The following TBL1X variants were observed in gnomAD, a reference collection of about 807,000 sequenced individuals.
TBL1X encodes the protein F-box-like/WD repeat-containing protein TBL1X.
In TBL1X, 10 loss-of-function variants were observed where a neutral mutation model predicts 50.7. The ratio of observed to expected loss-of-function variants is 0.20; its 90% confidence interval spans 0.12 to 0.33. TBL1X has a LOEUF of 0.33. TBL1X is among the 10% of genes least tolerant of loss of function. The pLI is 1.00. For synonymous variants in TBL1X, 190 were observed against 214.7 expected (o/e 0.88, Z 1.01); for missense variants, 340 against 504.4 (o/e 0.67, Z 3.12).
At chrX:9,544,628 T>C (rs1314970357) in intron 2 of TBL1X, among the ~76,000 whole-genome samples, 1 of 112,084 alleles carries the variant, frequency 8.9e-6, no homozygotes, top group Non-Finnish European at 1.9e-5. Flanking sequence ...AATGGTGCGA[T>C]CTCTGCTCAC....
chrX:9,492,738 T>C (rs1285464009), intron 1 of TBL1X, among the ~76,000 whole-genome samples: 1 of 110,478 alleles, frequency 9.1e-6, no homozygotes, highest in Non-Finnish European at 1.9e-5. Context: ...TCGGTATGCC[T>C]CTGTACCAAG....
intron 1 of TBL1X, among the ~76,000 whole-genome samples, chrX:9,477,962 A>G (rs1014720013): frequency 9.0e-6 from 1 of 111,609 alleles, no homozygotes; most frequent in Non-Finnish European, 1.9e-5. Context: ...CCGGATGGTG[A>G]GACCTGATTT....
chrX:9,530,242 T>C (rs1191813577), intron 2 of TBL1X, among the ~76,000 whole-genome samples: 1 of 112,045 alleles, frequency 8.9e-6, no homozygotes. Context: ...TCCTTTGCTT[T>C]TGTTAGAGTC....
intron 2 of TBL1X, among the ~76,000 whole-genome samples, chrX:9,523,388 C>T (rs973051576): frequency 1.3e-4 from 14 of 111,840 alleles, no homozygotes; most frequent in Non-Finnish European, 2.3e-4. Context: ...GCCCCTTTCC[C>T]TGGGCAGCAT....
chrX:9,469,932 C>T (rs1160061189), intron 1 of TBL1X, among the ~76,000 whole-genome samples: 1 of 112,655 alleles, frequency 8.9e-6, no homozygotes, highest in Non-Finnish European at 1.9e-5. Flanking sequence ...ACATGAACTT[C>T]ATGCCTTTGT....
intron 1 of TBL1X, among the ~76,000 whole-genome samples, chrX:9,470,928 C>T (rs2081810809): frequency 8.9e-6 from 1 of 112,153 alleles, no homozygotes; most frequent in African/African-American, 3.2e-5. Flanking sequence ...GCAACCATGC[C>T]CGACCTCTGA....
chrX:9,514,906 G>T (rs2082074381), intron 2 of TBL1X, among the ~76,000 whole-genome samples: 1 of 112,204 alleles, frequency 8.9e-6, no homozygotes, highest in Non-Finnish European at 1.9e-5. Context: ...AGAGCTCATA[G>T]CGAGCCAGGG....
Position 9,711,657 on chromosome X carries a change from G to T in TBL1X, c.1486G>T (p.Val496Phe). ...TVRLWDIERG[V>F]CTHTLTKHQE... The stretch of plus-strand genomic sequence containing the variant: ...GCGACTGTGGGACATAGAACGAGGC[G>T]TCTGCACCCACACGCTCACGAAGCA... The change falls in exon 16 of 18, where the codon GTC becomes TTC. Residue 496 changes from valine to phenylalanine, a missense_variant. Coordinates refer to ENST00000645353, the MANE Select transcript of TBL1X (RefSeq NM_005647.4). 1.7e-6 allele frequency: 2 copies of T among 1,209,115 alleles called. No individual in the cohort carries two copies. The highest frequency in any genetic ancestry group is 2.2e-6 in the Non-Finnish European group (2 of 893,823).
chrX:9,653,033 C>T (rs1295881842), intron 3 of TBL1X, among the ~76,000 whole-genome samples: 1 of 110,523 alleles, frequency 9.0e-6, no homozygotes, highest in African/African-American at 3.3e-5. Context: ...GGCGTATTGG[C>T]GGGCGCCTGT....
Position 9,566,704 on chromosome X carries a change from T to C in TBL1X, c.-131+64855T>C, listed in dbSNP as rs933348673. Among the ~76,000 whole-genome samples, 3 of 112,234 alleles carry C rather than the reference T, an allele frequency of 2.7e-5. No individual in the cohort carries two copies. The Admixed American group carries it at 2.8e-4, about 11-fold the overall frequency. Reference sequence around the variant, plus strand: ...AATGTTAATCATTATGGCAAAAATATTGCACCCTTTGGATGCATTCCAGTG... The same window carrying C: ...AATGTTAATCATTATGGCAAAAATACTGCACCCTTTGGATGCATTCCAGTG... On this transcript the variant is annotated intron_variant, in intron 2 of 17. Transcript: ENST00000645353.
intron 5 of TBL1X, among the ~76,000 whole-genome samples, chrX:9,676,620 A>G (rs1470781959): frequency 5.4e-5 from 6 of 111,960 alleles, no homozygotes. Flanking sequence ...TTTACGCTAA[A>G]TTCCATGTTA....
At chrX:9,625,839 C>T (rs12009508) in intron 2 of TBL1X, among the ~76,000 whole-genome samples, 4,109 of 111,557 alleles carry the variant, frequency 0.037, 201 homozygotes, top group African/African-American at 0.13. Flanking sequence ...CTCGGGAGGC[C>T]GAGGCAGGAG....
intron 2 of TBL1X, among the ~76,000 whole-genome samples, chrX:9,551,133 G>A (rs2082269091): frequency 1.8e-5 from 2 of 111,514 alleles, no homozygotes; most frequent in African/African-American, 6.5e-5. Context: ...ACTCTGCTCA[G>A]CGCACCCATG....
At chrX:9,565,271 C>CAAAAAAAAAAAAAAAA (rs757679440) in intron 2 of TBL1X, among the ~76,000 whole-genome samples, 1 of 37,394 alleles carries the variant, frequency 2.7e-5, no homozygotes, top group African/African-American at 1.1e-4. Flanking sequence ...GACTCCGTCT[C>CAAAAAAAAAAAAAAAA]AAAAAAAAAA....
At chrX:9,607,258 G>A (rs1403504921) in intron 2 of TBL1X, among the ~76,000 whole-genome samples, 7 of 112,996 alleles carry the variant, frequency 6.2e-5, no homozygotes, top group Middle Eastern at 4.2e-3. Context: ...CCTCGTGAGT[G>A]CCAGTTCTGG....
At chrX:9,681,378 C>T (rs911144666) in intron 5 of TBL1X, among the ~76,000 whole-genome samples, 2 of 112,104 alleles carry the variant, frequency 1.8e-5, no homozygotes, top group Admixed American at 9.4e-5. Flanking sequence ...TTTAGTTCAG[C>T]GTCATATCAC....
At chrX:9,569,501 A>T (rs934959090) in intron 2 of TBL1X, among the ~76,000 whole-genome samples, 1 of 112,009 alleles carries the variant, frequency 8.9e-6, no homozygotes, top group Non-Finnish European at 1.9e-5. Context: ...GACTGTGATT[A>T]CTGTCCTTTT....
At chrX:9,577,739 C>G (rs1035068566) in intron 2 of TBL1X, among the ~76,000 whole-genome samples, 5 of 112,264 alleles carry the variant, frequency 4.5e-5, no homozygotes, top group African/African-American at 1.3e-4. Flanking sequence ...ACCCAGTTTT[C>G]TAAGTGAAGA....
At chrX:9,477,795 C>T (rs1226102838) in intron 1 of TBL1X, among the ~76,000 whole-genome samples, 1 of 111,819 alleles carries the variant, frequency 8.9e-6, no homozygotes, top group African/African-American at 3.3e-5. Context: ...TTTCAATTCC[C>T]AATAAGATCG....
Sources: allele counts gnomAD v4.1 joint callset (sites outside exome capture counted in the v4.1 genomes callset), GRCh38; gene constraint gnomAD v4.1.1; transcripts MANE v1.5; gene names NCBI Gene and HGNC (gene_info 2026-07-23, HGNC 2026-07-21).